The following NUDCD1 variants were observed in gnomAD, a reference collection of about 807,000 sequenced individuals.
NUDCD1 encodes nudC domain-containing protein 1.
In NUDCD1, 60 loss-of-function variants were observed where a neutral mutation model predicts 67.8. The observed-to-expected ratio is 0.88, with a 90% CI of 0.72 to 1.10. The LOEUF (loss-of-function observed/expected upper bound fraction) is 1.10, where lower values mean the gene tolerates loss of function less well. Ranked by LOEUF, NUDCD1 falls within the 50% of genes least tolerant of loss-of-function variation. The probability of loss-of-function intolerance (pLI) is 0.00; values close to 1 mark genes in which losing one functional copy is unlikely to be tolerated. For missense variants in NUDCD1, 643 were observed against 695.0 expected (o/e 0.93, Z 0.84); for synonymous variants, 244 against 230.8 (o/e 1.06, Z -0.52).
At chr8:109,274,847 G>C (rs78056226) in intron 7 of NUDCD1, among the ~76,000 whole-genome samples, 10,751 of 152,142 alleles carry the variant, frequency 0.071, 1,236 homozygotes, top group African/African-American at 0.24. Context: ...TACACGTCAT[G>C]AGAGTGGGAA....
chr8:109,324,373 T>C (rs79371866), intron 1 of NUDCD1, among the ~76,000 whole-genome samples: 11,438 of 151,006 alleles, frequency 0.076, 663 homozygotes, highest in South Asian at 0.22. Context: ...GTAGTTAGAA[T>C]GGCTATTTTC....
intron 9 of NUDCD1, 71 bp downstream of exon 9, chr8:109,245,247 AAAAG>A: frequency 7.0e-7 from 1 of 1,427,026 alleles, no homozygotes; most frequent in Non-Finnish European, 9.6e-7. Flanking sequence ...AAAAAGAAAA[AAAAG>A]AAATGAACTT....
At chr8:109,266,392 ATTTT>A (rs71305931) in intron 8 of NUDCD1, among the ~76,000 whole-genome samples, 25 of 87,506 alleles carry the variant, frequency 2.9e-4, no homozygotes, top group African/African-American at 8.0e-4. Context: ...TGCCCGGCTA[ATTTT>A]TTTTTTTTTT....
chr8:109,305,348 C>T (rs181350095), intron 2 of NUDCD1, among the ~76,000 whole-genome samples: 1 of 152,264 alleles, frequency 6.6e-6, no homozygotes, highest in African/African-American at 2.4e-5. Context: ...GGCCTTCCCA[C>T]CTCTATACTA....
intron 8 of NUDCD1, among the ~76,000 whole-genome samples, chr8:109,247,739 G>A (rs1380590625): frequency 6.6e-6 from 1 of 152,044 alleles, no homozygotes; most frequent in Non-Finnish European, 1.5e-5. Flanking sequence ...ACCATCAGTT[G>A]CTCTCAGAAT....
intron 7 of NUDCD1, among the ~76,000 whole-genome samples, chr8:109,274,628 C>T (rs1268288990): frequency 6.6e-6 from 1 of 152,146 alleles, no homozygotes; most frequent in African/African-American, 2.4e-5. Flanking sequence ...TAGTGACATT[C>T]ACTTTCAATA....
At chr8:109,245,257 A>G (rs937010083) in intron 9 of NUDCD1, 65 bp downstream of exon 9, 2 of 1,455,802 alleles carry the variant, frequency 1.4e-6, no homozygotes, top group Non-Finnish European at 1.9e-6. Context: ...AAAAGAAATG[A>G]ACTTTAAATG....
rs945123988 is a variant in NUDCD1, at chr8:109,242,162, A to C, written c.*847T>G. 7.5e-6 allele frequency: 3 copies of C among 397,832 alleles called. No homozygotes were observed. Among genetic ancestry groups the C allele is most frequent in the African/African-American group, 6.2e-5 (3 of 48,582 alleles). 24.6% of individuals were successfully genotyped at this position (397,832 alleles called of 1,614,324 possible). On this transcript the variant is annotated 3_prime_UTR_variant, in exon 10 of 10. Coordinates refer to ENST00000239690, the MANE Select transcript of NUDCD1 (RefSeq NM_032869.4). ...CCTCATTCTGACTCTAGACTTGGCC[A>C]TGTGATTTGCTTTGTCCAATGGAAC...
intron 2 of NUDCD1, among the ~76,000 whole-genome samples, chr8:109,314,860 GT>G (rs1389071469): frequency 6.6e-6 from 1 of 151,902 alleles, no homozygotes; most frequent in Non-Finnish European, 1.5e-5. Context: ...GACCCTCTTA[GT>G]TGCAGCTATA....
chr8:109,321,188 T>C (rs1368092013), intron 2 of NUDCD1, among the ~76,000 whole-genome samples: 2 of 152,212 alleles, frequency 1.3e-5, no homozygotes, highest in African/African-American at 4.8e-5. Context: ...GCAGGAGGGC[T>C]AGAAGGAATA....
chr8:109,282,650 AG>A (rs1301721233), intron 5 of NUDCD1, among the ~76,000 whole-genome samples: 4 of 113,826 alleles, frequency 3.5e-5, no homozygotes, highest in Non-Finnish European at 5.1e-5. Flanking sequence ...TCATGGATAC[AG>A]GGAGGGGAAC....
Position 109,245,397 on chromosome 8 carries a change from C to A in NUDCD1, c.1384G>T (p.Asp462Tyr). 6.2e-7 allele frequency: 1 copy of A among 1,613,820 alleles called. No homozygotes were observed. The highest frequency in any genetic ancestry group is 8.5e-7 in the Non-Finnish European group (1 of 1,179,888). Reference sequence around the variant, plus strand: ...GAGTGTGGTTGCCAGAGTAGGGCATCAACATCATGGCGCAAACAGAAGCAG... The same window carrying A: ...GAGTGTGGTTGCCAGAGTAGGGCATAAACATCATGGCGCAAACAGAAGCAG... ...MPCFCLRHDV[D>Y]ALLWQPHSSK... Residue 462 changes from aspartate to tyrosine, a missense_variant, in exon 9 of 10, where the codon GAT becomes TAT. Physicochemically the swap from Asp to Tyr is radical, Grantham distance 160. Coordinates refer to ENST00000239690, the MANE Select transcript of NUDCD1 (RefSeq NM_032869.4).
At chr8:109,326,990 T>C (rs1282290901) in intron 1 of NUDCD1, among the ~76,000 whole-genome samples, 1 of 152,178 alleles carries the variant, frequency 6.6e-6, no homozygotes, top group African/African-American at 2.4e-5. Flanking sequence ...ACCAATTAAA[T>C]ATGATGCAGT....
At chr8:109,253,109 T>C (rs897771799) in intron 8 of NUDCD1, among the ~76,000 whole-genome samples, 7 of 152,210 alleles carry the variant, frequency 4.6e-5, no homozygotes, top group African/African-American at 1.4e-4. Context: ...CTTTAATCTA[T>C]TGATTTATAA....
At position 109,242,484 on chromosome 8, in the gene NUDCD1, A is replaced by G. The variant is rs556091630; in HGVS notation, c.*525T>C. On this transcript the variant is annotated 3_prime_UTR_variant, in exon 10 of 10. Transcript: ENST00000239690. ...CTAAAAGTTACATAAAGCTATACTTAATTTGAAAATAATAATAAAGGTCTC... is the reference window on the plus strand; with the variant it reads ...CTAAAAGTTACATAAAGCTATACTTGATTTGAAAATAATAATAAAGGTCTC... 1 of 207,048 alleles carries G rather than the reference A, an allele frequency of 4.8e-6. No homozygotes were observed. The highest frequency in any genetic ancestry group is 2.3e-5 in the African/African-American group (1 of 43,840). The allele number at this position is 207,048 out of a possible 1,614,324, so 12.8% of individuals were successfully genotyped here.
chr8:109,307,000 TTTTG>T (rs1394528068), intron 2 of NUDCD1, among the ~76,000 whole-genome samples: 1 of 152,158 alleles, frequency 6.6e-6, no homozygotes, highest in African/African-American at 2.4e-5. Flanking sequence ...CACTATTTTG[TTTTG>T]TTTTTCTTAT....
At chr8:109,299,367 C>T (rs189259471) in intron 2 of NUDCD1, among the ~76,000 whole-genome samples, 21 of 152,224 alleles carry the variant, frequency 1.4e-4, no homozygotes, top group Non-Finnish European at 2.4e-4. Flanking sequence ...AGTTCTCAGC[C>T]CTGCTTGCCC....
intron 8 of NUDCD1, among the ~76,000 whole-genome samples, chr8:109,249,679 T>C (rs781450407): frequency 5.8e-4 from 89 of 152,312 alleles, no homozygotes; most frequent in Middle Eastern, 3.4e-3. Flanking sequence ...AAAGTCATGT[T>C]TCAAATAAGA....
intron 8 of NUDCD1, among the ~76,000 whole-genome samples, chr8:109,259,837 G>A (rs919078297): frequency 6.6e-6 from 1 of 152,120 alleles, no homozygotes; most frequent in Non-Finnish European, 1.5e-5. Flanking sequence ...AAAAACAGGA[G>A]CAACACAAAT....
Sources: gnomAD v4.1 joint callset for allele counts (sites outside exome capture counted in the v4.1 genomes callset) on GRCh38, gnomAD v4.1.1 for gene constraint, MANE v1.5 for transcripts, NCBI Gene and HGNC (gene_info 2026-07-23, HGNC 2026-07-21) for gene names.